SPATA21: variants seen among roughly 807,000 people sequenced by gnomAD.
SPATA21 encodes spermatogenesis associated 21.
In SPATA21, 47 loss-of-function variants were observed where a neutral mutation model predicts 54.8. The observed-to-expected ratio is 0.86, with a 90% CI of 0.68 to 1.09. SPATA21 has a LOEUF of 1.09. Ranked by LOEUF, SPATA21 falls within the 50% of genes least tolerant of loss-of-function variation. The probability of loss-of-function intolerance (pLI) is 0.00; values close to 1 mark genes in which losing one functional copy is unlikely to be tolerated. For synonymous variants in SPATA21, 245 were observed against 235.3 expected (o/e 1.04, Z -0.38); for missense variants, 599 against 596.4 (o/e 1.00, Z -0.05).
intron 5 of SPATA21, among the ~76,000 whole-genome samples, chr1:16,417,394 G>A (rs2086040261): frequency 6.6e-6 from 1 of 151,030 alleles, no homozygotes; most frequent in Admixed American, 6.6e-5. Context: ...AAGTAGCCGG[G>A]ACTACAGGTG....
chr1:16,417,133 G>A (rs1333431241), intron 5 of SPATA21, among the ~76,000 whole-genome samples: 3 of 152,180 alleles, frequency 2.0e-5, no homozygotes, highest in Non-Finnish European at 4.4e-5. Context: ...TCTGTCCATT[G>A]TATCCAATAT....
rs12091947 is a variant in SPATA21, at chr1:16,418,298, G to C, written c.144+3211C>G. On this transcript the variant is annotated intron_variant, in intron 5 of 12. Transcript: ENST00000335496. ...TTATTTTTATTTTTTTTGAGATGGA[G>C]TCTCGCTCTGTCGCCCAGGCCGGAG... Among the ~76,000 whole-genome samples the C allele has an allele frequency of 7.1e-3, 1,078 of 152,108 alleles. 8 individuals are homozygous for C. Among genetic ancestry groups the C allele is most frequent in the African/African-American group, 0.025 (1,025 of 41,508 alleles).
chr1:16,409,725 C>T lies in SPATA21; in HGVS notation c.463G>A (p.Gly155Arg), dbSNP rs764837773. 1 of 1,612,150 alleles carries T rather than the reference C, an allele frequency of 6.2e-7. No individual in the cohort carries two copies. The highest frequency in any genetic ancestry group is 8.5e-7 in the Non-Finnish European group (1 of 1,179,554). ...PAPGPEPAPM[G>R]APVPTSMPCP... ...GGCATGGAGGTGGGGACCGGGGCTC[C>T]CATGGGGGCAGGTTCTGGCCCAGGA... The change falls in exon 6 of 13, where the codon GGA becomes AGA. Residue 155 changes from glycine to arginine, a missense_variant. By Grantham distance (125) the Gly-to-Arg change is moderately radical (BLOSUM62 -2). Transcript: ENST00000335496. This position sits in a 1 kb window ranked among gnomAD's most constrained non-coding sequence, Gnocchi z 4.1.
intron 11 of SPATA21, 37 bp downstream of exon 11, chr1:16,400,683 C>T: frequency 6.3e-7 from 1 of 1,576,764 alleles, no homozygotes; most frequent in East Asian, 2.3e-5. Context: ...AGCAAAGCCC[C>T]AACCCTAGCC....
chr1:16,432,371 C>T (rs1048388184), intron 2 of SPATA21, among the ~76,000 whole-genome samples: 1 of 152,086 alleles, frequency 6.6e-6, no homozygotes, highest in Non-Finnish European at 1.5e-5. Context: ...ATCCGCCCGC[C>T]TCGGCCTCCC....
At position 16,403,718 on chromosome 1, in the gene SPATA21, C is replaced by T. The variant is rs1251892549; in HGVS notation, c.1001+9G>A. 2.5e-6 allele frequency: 4 copies of T among 1,609,884 alleles called. No homozygotes were observed. Among genetic ancestry groups the T allele is most frequent in the Non-Finnish European group, 2.6e-6 (3 of 1,176,248 alleles). On this transcript the variant is annotated intron_variant, in intron 10 of 12. Coordinates refer to ENST00000335496, the MANE Select transcript of SPATA21 (RefSeq NM_198546.1). Reference sequence around the variant, plus strand: ...CAACCCTTCACCCCCAACAACCGGCCCCACTCACTTTGTGATTTCCTCTAA... The same window carrying T: ...CAACCCTTCACCCCCAACAACCGGCTCCACTCACTTTGTGATTTCCTCTAA...
In SPATA21 at chr1:16,427,919, C is replaced by T. The variant is rs376011271; in HGVS notation, c.34+3419G>A. 4.5e-6 allele frequency: 7 copies of T among 1,550,116 alleles called. No individual in the cohort carries two copies. The African/African-American group carries it at 9.6e-5, about 21-fold the overall frequency. ...ATTCTGAGCTCTGAAGGCCCCTTCT[C>T]AAATGCATCTCTGAGTCTGGGCCCC... On this transcript the variant is annotated intron_variant, in intron 3 of 12. Coordinates refer to ENST00000335496, the MANE Select transcript of SPATA21 (RefSeq NM_198546.1).
intron 3 of SPATA21, among the ~76,000 whole-genome samples, chr1:16,424,232 G>A (rs1264384143): frequency 6.1e-5 from 7 of 115,578 alleles, no homozygotes; most frequent in Admixed American, 9.2e-5. Context: ...AGAATGGCAT[G>A]AACCTGGGAG....
At chr1:16,418,661 G>C (rs192366496) in intron 5 of SPATA21, among the ~76,000 whole-genome samples, 1 of 150,774 alleles carries the variant, frequency 6.6e-6, no homozygotes. Flanking sequence ...TCTGCCTCAC[G>C]GGTTCAAGTG....
Position 16,431,411 on chromosome 1 carries a change from C to G in SPATA21, c.-40G>C, listed in dbSNP as rs748854081. On this transcript the variant is annotated 5_prime_UTR_variant, in exon 3 of 13. Transcript: ENST00000335496. ...CACGGGTGCCAAGTGAGGGGCATCACCTAGTGTGCTCCTACAGGAGAAATC... is the reference window on the plus strand; with the variant it reads ...CACGGGTGCCAAGTGAGGGGCATCAGCTAGTGTGCTCCTACAGGAGAAATC... The G allele has an allele frequency of 6.2e-7, 1 of 1,612,886 alleles. No homozygotes were observed. Among genetic ancestry groups the G allele is most frequent in the Admixed American group, 1.7e-5 (1 of 59,938 alleles).
intron 3 of SPATA21, among the ~76,000 whole-genome samples, chr1:16,429,701 C>T (rs1481987582): frequency 1.4e-5 from 2 of 146,990 alleles, no homozygotes; most frequent in African/African-American, 2.5e-5. Context: ...CTTGAACTCC[C>T]GACCTCAGGT....
At chr1:16,436,869 T>C (rs79088049) in intron 1 of SPATA21, among the ~76,000 whole-genome samples, 3,825 of 149,624 alleles carry the variant, frequency 0.026, 155 homozygotes, top group African/African-American at 0.088. Context: ...GAAAAACAAA[T>C]AAATAAATAA....
intron 5 of SPATA21, among the ~76,000 whole-genome samples, chr1:16,413,170 T>C (rs1005731897): frequency 2.6e-5 from 4 of 152,094 alleles, no homozygotes; most frequent in African/African-American, 9.7e-5. Context: ...ATCCATTAAA[T>C]AATAACCTCC....
chr1:16,400,535 A>T (rs2085411915), intron 11 of SPATA21, 185 bp downstream of exon 11: 16 of 1,391,716 alleles, frequency 1.1e-5, no homozygotes, highest in Non-Finnish European at 1.4e-5. Flanking sequence ...GGCCATTGTC[A>T]TAGGCCTGGA....
chr1:16,421,693 C>T lies in SPATA21; in HGVS notation c.96-136G>A, dbSNP rs2086177249. ...TTGGCCTTCTCATCTCAGGGGGCTC[C>T]TTATGTCCCCACATCCTCATATATA... On this transcript the variant is annotated intron_variant, in intron 4 of 12. Coordinates refer to ENST00000335496, the MANE Select transcript of SPATA21 (RefSeq NM_198546.1). The surrounding 1 kb of genome is among the most constrained non-coding windows in gnomAD (Gnocchi z 5.2). The T allele has an allele frequency of 3.6e-6, 4 of 1,116,756 alleles. No individual in the cohort carries two copies. The South Asian group carries it at 5.8e-5, about 16-fold the overall frequency. The allele number at this position is 1,116,756 out of a possible 1,614,324, so 69.2% of individuals were successfully genotyped here.
At chr1:16,426,764 G>A (rs2086336987) in intron 3 of SPATA21, among the ~76,000 whole-genome samples, 1 of 151,532 alleles carries the variant, frequency 6.6e-6, no homozygotes, top group African/African-American at 2.4e-5. Context: ...ATTTTTAGTA[G>A]AGATGGGGTT....
chr1:16,397,978 G>C, downstream of SPATA21: 1 of 744,426 alleles, frequency 1.3e-6, no homozygotes, highest in Non-Finnish European at 1.6e-6. This position sits in a 1 kb window ranked among gnomAD's most constrained non-coding sequence, Gnocchi z 5.4. Context: ...GGGCCCCTTG[G>C]GTGTCTGAAC....
Position 16,409,981 on chromosome 1 carries a change from G to T in SPATA21, c.207C>A (p.Pro69=). The change falls in exon 6 of 13, where the codon CCC becomes CCA. Residue 69 remains proline, a synonymous_variant. Transcript: ENST00000335496. The surrounding 1 kb of genome is among the most constrained non-coding windows in gnomAD (Gnocchi z 4.1). ...PDRAQQQPQK[P]AVAAGTQSLG... ...GGCTCTGTGTCCCTGCAGCCACCGC[G>T]GGCTTCTGAGGCTGCTGCTGCGCAC... The T allele has an allele frequency of 6.2e-7, 1 of 1,605,082 alleles. No homozygotes were observed.
chr1:16,400,437 A>AG, intron 11 of SPATA21: 3 of 1,128,012 alleles, frequency 2.7e-6, no homozygotes, highest in Non-Finnish European at 2.2e-6. Flanking sequence ...TGGGATTGCT[A>AG]ATCTCTACAG....
Sources: gnomAD v4.1 joint callset for allele counts (sites outside exome capture counted in the v4.1 genomes callset) on GRCh38, gnomAD v4.1.1 for gene constraint, Gnocchi (gnomAD v3.1) non-coding constraint, MANE v1.5 for transcripts, NCBI Gene and HGNC (gene_info 2026-07-23, HGNC 2026-07-21) for gene names.